The following RAPGEF6 variants were observed in gnomAD, a reference collection of about 807,000 sequenced individuals.
RAPGEF6 encodes the protein PDZ domain containing guanine nucleotide exchange factor (GEF) 2.
In RAPGEF6, 56 loss-of-function variants were observed where a neutral mutation model predicts 171.4. The observed-to-expected ratio is 0.33, with a 90% CI of 0.26 to 0.41. The LOEUF is 0.41. Ranked by LOEUF, RAPGEF6 falls within the 10% of genes least tolerant of loss-of-function variation. The pLI is 1.00. For synonymous variants in RAPGEF6, 692 were observed against 650.1 expected (o/e 1.06, Z -0.98); for missense variants, 1,674 against 1,921.4 (o/e 0.87, Z 2.41).
intron 5 of RAPGEF6, among the ~76,000 whole-genome samples, chr5:131,559,481 T>A (rs1210222631): frequency 1.3e-5 from 2 of 152,132 alleles, no homozygotes; most frequent in Non-Finnish European, 2.9e-5. Flanking sequence ...AATTAACCTT[T>A]TATCACTATA....
At position 131,576,838 on chromosome 5, in the gene RAPGEF6, C is replaced by T. The variant is rs181480395; in HGVS notation, c.282-14791G>A. Among the ~76,000 whole-genome samples, 94 of 152,224 alleles carry T rather than the reference C, an allele frequency of 6.2e-4. 1 individual carries two copies. Among genetic ancestry groups the T allele is most frequent in the African/African-American group, 2.1e-3 (86 of 41,552 alleles). On this transcript the variant is annotated intron_variant, in intron 4 of 27. Coordinates refer to ENST00000509018, the MANE Select transcript of RAPGEF6 (RefSeq NM_016340.6). The stretch of plus-strand genomic sequence containing the variant: ...TTCATGACCTTTTTCATGTGGGTTA[C>T]AAGCCAATGGCCCATCTCTTAGAAC...
chr5:131,424,700 T>C lies in RAPGEF6; in HGVS notation c.*2566A>G, dbSNP rs573673754. ...AATCATTTGGAGTAAATTAGAATTA[T>C]TAACTTTAATAAGCTTTTATGGAAT... is the stretch of plus-strand genomic sequence containing the variant. On this transcript the variant is annotated 3_prime_UTR_variant, in exon 28 of 28. Transcript: ENST00000509018. The C allele has an allele frequency of 2.6e-5, 4 of 152,426 alleles. No homozygotes were observed. Among genetic ancestry groups the C allele is most frequent in the East Asian group, 1.9e-4 (1 of 5,290 alleles). 9.4% of individuals were successfully genotyped at this position (152,426 alleles called of 1,614,324 possible).
At chr5:131,467,005 T>C (rs189168246) in intron 17 of RAPGEF6, among the ~76,000 whole-genome samples, 32 of 152,296 alleles carry the variant, frequency 2.1e-4, no homozygotes, top group African/African-American at 7.5e-4. Flanking sequence ...TTGAATCATT[T>C]TACTAGATCT....
intron 13 of RAPGEF6, 55 bp from the exon 14 acceptor site, chr5:131,492,840 T>C: frequency 2.7e-6 from 4 of 1,501,216 alleles, no homozygotes; most frequent in Non-Finnish European, 3.7e-6. Flanking sequence ...TATAGGTTTT[T>C]AAAAAGTCAA....
intron 5 of RAPGEF6, among the ~76,000 whole-genome samples, chr5:131,549,213 T>C (rs1411416898): frequency 1.3e-5 from 2 of 152,204 alleles, no homozygotes; most frequent in Non-Finnish European, 2.9e-5. Context: ...TATAAAGGTA[T>C]ATTGATATGC....
intron 4 of RAPGEF6, among the ~76,000 whole-genome samples, chr5:131,564,261 A>G (rs1049928268): frequency 1.3e-5 from 2 of 152,248 alleles, no homozygotes; most frequent in African/African-American, 4.8e-5. Context: ...CATTGTGCAC[A>G]AGAGTATGCA....
At chr5:131,535,914 G>C (rs1166710236) in intron 6 of RAPGEF6, among the ~76,000 whole-genome samples, 1 of 151,982 alleles carries the variant, frequency 6.6e-6, no homozygotes, top group African/African-American at 2.4e-5. Context: ...GCCATAAGAG[G>C]ATAAACATTC....
At chr5:131,445,403 G>A (rs921946198) in intron 22 of RAPGEF6, among the ~76,000 whole-genome samples, 25 of 151,918 alleles carry the variant, frequency 1.6e-4, no homozygotes, top group African/African-American at 5.8e-4. Flanking sequence ...CAATCTTAGG[G>A]TCAATCCATG....
intron 4 of RAPGEF6, among the ~76,000 whole-genome samples, chr5:131,588,558 C>T (rs930573050): frequency 2.7e-4 from 41 of 152,116 alleles, no homozygotes; most frequent in African/African-American, 9.6e-4. Context: ...GCCTGGCCAA[C>T]ATGGTGAAAC....
chr5:131,558,484 T>C (rs1427161848), intron 5 of RAPGEF6, among the ~76,000 whole-genome samples: 1 of 152,138 alleles, frequency 6.6e-6, no homozygotes, highest in Non-Finnish European at 1.5e-5. Context: ...GCCACTGATA[T>C]TTATTTTTAT....
chr5:131,622,730 CTGGA>C (rs1425897517), intron 1 of RAPGEF6, among the ~76,000 whole-genome samples: 13 of 152,182 alleles, frequency 8.5e-5, no homozygotes, highest in African/African-American at 3.1e-4. Flanking sequence ...TTCTATCCAA[CTGGA>C]TTTACAAATG....
At chr5:131,568,926 T>C (rs1410808765) in intron 4 of RAPGEF6, among the ~76,000 whole-genome samples, 2 of 152,172 alleles carry the variant, frequency 1.3e-5, no homozygotes, top group Non-Finnish European at 2.9e-5. Flanking sequence ...ACCAACTGTA[T>C]TTCTATATAC....
At chr5:131,575,677 T>C (rs1762563239) in intron 4 of RAPGEF6, among the ~76,000 whole-genome samples, 1 of 152,122 alleles carries the variant, frequency 6.6e-6, no homozygotes, top group African/African-American at 2.4e-5. Flanking sequence ...CCTTTCCCCA[T>C]TCTTCTTTTT....
At chr5:131,619,633 T>G (rs1482142758) in intron 1 of RAPGEF6, among the ~76,000 whole-genome samples, 1 of 152,212 alleles carries the variant, frequency 6.6e-6, no homozygotes, top group African/African-American at 2.4e-5. Flanking sequence ...TTCACTTTTC[T>G]GATCCTACCA....
intron 4 of RAPGEF6, among the ~76,000 whole-genome samples, chr5:131,567,662 A>G (rs1481944036): frequency 1.3e-5 from 2 of 152,182 alleles, no homozygotes; most frequent in Non-Finnish European, 2.9e-5. Flanking sequence ...ACTAGATTAT[A>G]CGCCCTATCC....
chr5:131,531,153 C>G (rs1254784280), intron 6 of RAPGEF6, among the ~76,000 whole-genome samples: 1 of 152,174 alleles, frequency 6.6e-6, no homozygotes, highest in Admixed American at 6.5e-5. Flanking sequence ...CACCACGATG[C>G]TATCATAGGA....
intron 4 of RAPGEF6, among the ~76,000 whole-genome samples, chr5:131,563,732 T>C (rs965027177): frequency 6.6e-6 from 1 of 152,144 alleles, no homozygotes; most frequent in African/African-American, 2.4e-5. Context: ...CTTGAACTCC[T>C]GGGCTCAAGC....
intron 7 of RAPGEF6, among the ~76,000 whole-genome samples, chr5:131,514,941 T>C (rs1757980619): frequency 6.6e-6 from 1 of 152,208 alleles, no homozygotes; most frequent in African/African-American, 2.4e-5. Flanking sequence ...GGTGATAGGA[T>C]TAAGACAGCA....
intron 3 of RAPGEF6, among the ~76,000 whole-genome samples, chr5:131,598,191 A>G (rs964093112): frequency 6.6e-6 from 1 of 152,186 alleles, no homozygotes; most frequent in Non-Finnish European, 1.5e-5. Context: ...TTAAAACTTA[A>G]AAATTCACAT....
Sources: allele counts gnomAD v4.1 joint callset (sites outside exome capture counted in the v4.1 genomes callset), GRCh38; gene constraint gnomAD v4.1.1; transcripts MANE v1.5; gene names NCBI Gene and HGNC (gene_info 2026-07-23, HGNC 2026-07-21).